C2CD5: variants seen among roughly 807,000 people sequenced by gnomAD.
The protein encoded by C2CD5 is C2 domain-containing protein 5.
In C2CD5, 109 loss-of-function variants were observed where a neutral mutation model predicts 130.3. The observed-to-expected ratio is 0.84, with a 90% CI of 0.72 to 0.98. C2CD5 has a LOEUF of 0.98. C2CD5 is among the 50% of genes least tolerant of loss of function. The pLI is 0.00. For missense variants in C2CD5, 996 were observed against 1,261.8 expected (o/e 0.79, Z 3.19); for synonymous variants, 454 against 429.2 (o/e 1.06, Z -0.71).
At position 22,513,299 on chromosome 12, in the gene C2CD5, G is replaced by T; in HGVS notation, c.1033C>A (p.Gln345Lys). 6.2e-7 allele frequency: 1 copy of T among 1,603,956 alleles called. No individual in the cohort carries two copies. Among genetic ancestry groups the T allele is most frequent in the Non-Finnish European group, 8.5e-7 (1 of 1,170,932 alleles). The change falls in exon 9 of 27, where the codon CAG (glutamine) becomes AAG (lysine). Residue 345 changes from glutamine (Q) to lysine (K), a missense_variant. By Grantham distance (53) the Gln-to-Lys change is moderately conservative. This residue lies in a region of C2CD5 where 156 missense variants were observed against 165.9 expected (regional missense o/e 0.94). Coordinates refer to ENST00000446597, the MANE Select transcript of C2CD5 (RefSeq NM_001286176.2). Reference protein sequence around the residue: ...LRQQTQSALEQREFPFFTLTA... With the variant: ...LRQQTQSALEKREFPFFTLTA... ...GAATATCAAGTGAATCTTACCCTCT[G>T]TTCCAACGCTGATTGAGTCTGTTGT...
At chr12:22,498,037 T>A (rs568345255) in intron 10 of C2CD5, among the ~76,000 whole-genome samples, 1 of 152,034 alleles carries the variant, frequency 6.6e-6, no homozygotes, top group South Asian at 2.1e-4. Context: ...CATCTTGAAC[T>A]CTTATTTATC....
Position 22,449,651 on chromosome 12 carries a change from TCTTC to T in C2CD5, c.*105_*108del. The stretch of plus-strand genomic sequence containing the variant: ...TCCAGGCAAATCAAATCTACTCAAT[TCTTC>T]CTTATTTATCTCAAGTTCAATTTTA... On this transcript the variant is annotated 3_prime_UTR_variant, in exon 27 of 27. Transcript: ENST00000446597. The T allele has an allele frequency of 1.0e-6, 1 of 991,466 alleles. No individual in the cohort carries two copies. The highest frequency in any genetic ancestry group is 1.5e-6 in the Non-Finnish European group (1 of 670,116). The allele number at this position is 991,466 out of a possible 1,614,324, so 61.4% of individuals were successfully genotyped here.
chr12:22,480,893 C>T (rs1944614316), intron 14 of C2CD5, among the ~76,000 whole-genome samples: 1 of 152,094 alleles, frequency 6.6e-6, no homozygotes, highest in South Asian at 2.1e-4. Flanking sequence ...CAGCCTCAAG[C>T]TCCCAGGCTC....
intron 7 of C2CD5, chr12:22,519,011 C>T (rs1950028390): frequency 1.0e-6 from 1 of 988,578 alleles, no homozygotes; most frequent in South Asian, 2.0e-5. Context: ...AAGGATGAAG[C>T]AAAGATTTAT....
At chr12:22,520,300 T>G (rs927475007) in intron 7 of C2CD5, among the ~76,000 whole-genome samples, 2 of 152,146 alleles carry the variant, frequency 1.3e-5, no homozygotes, top group African/African-American at 4.8e-5. Flanking sequence ...GAGCCCAACT[T>G]TACCTGATCT....
In C2CD5 at chr12:22,458,601, GAAAACAAAAGAAA is replaced by G; in HGVS notation, c.2585-29_2585-17del. On this transcript the variant is annotated splice_polypyrimidine_tract_variant and intron_variant, in intron 23 of 26. Transcript: ENST00000446597. The stretch of plus-strand genomic sequence containing the variant: ...ACTGACGTTGCTGAAAACACAGACA[GAAAACAAAAGAAA>G]AAAACAAAGAAAAAAATATGGATGA... 8.6e-7 allele frequency: 1 copy of G among 1,163,928 alleles called. No individual in the cohort carries two copies. 72.1% of individuals were successfully genotyped at this position (1,163,928 alleles called of 1,614,324 possible). A position where few individuals can be genotyped will look rare whatever the true frequency, so the allele number is the denominator to read the frequency against.
chr12:22,461,466 A>G (rs978228279), intron 22 of C2CD5, among the ~76,000 whole-genome samples: 1 of 152,230 alleles, frequency 6.6e-6, no homozygotes, highest in African/African-American at 2.4e-5. Context: ...ATGTACACAG[A>G]AAGAGCTTAC....
At chr12:22,529,173 T>C (rs1950990878) in intron 3 of C2CD5, among the ~76,000 whole-genome samples, 1 of 152,190 alleles carries the variant, frequency 6.6e-6, no homozygotes, top group Admixed American at 6.5e-5. Flanking sequence ...AATCTATCTT[T>C]GTGCATGCTT....
In C2CD5 at chr12:22,509,022, G is replaced by A. The variant is rs576256358; in HGVS notation, c.1039-2203C>T. ...CTCCCGAGTAGCTGGGACTACAGGCGCCCGCCACCGCGCCCGGCTAATTTT... is the reference window on the plus strand; with the variant it reads ...CTCCCGAGTAGCTGGGACTACAGGCACCCGCCACCGCGCCCGGCTAATTTT... On this transcript the variant is annotated intron_variant, in intron 9 of 26. Coordinates refer to ENST00000446597, the MANE Select transcript of C2CD5 (RefSeq NM_001286176.2). Among the ~76,000 whole-genome samples the A allele has an allele frequency of 9.2e-5, 14 of 151,666 alleles. No individual in the cohort carries two copies. In the East Asian group the frequency reaches 9.7e-4, roughly 11 times the overall value.
At chr12:22,504,547 C>A (rs1948240938) in intron 10 of C2CD5, among the ~76,000 whole-genome samples, 1 of 152,188 alleles carries the variant, frequency 6.6e-6, no homozygotes, top group African/African-American at 2.4e-5. Context: ...AGATGATCCA[C>A]CCGCCTCAAA....
intron 26 of C2CD5, 148 bp downstream of exon 26, chr12:22,453,748 G>A (rs973085786): frequency 1.7e-5 from 11 of 663,244 alleles, no homozygotes; most frequent in Non-Finnish European, 2.9e-5. Flanking sequence ...GTATGACCAT[G>A]GTTATGAATA....
chr12:22,531,243 T>C (rs896463294), intron 3 of C2CD5, among the ~76,000 whole-genome samples: 2 of 152,166 alleles, frequency 1.3e-5, no homozygotes, highest in South Asian at 4.1e-4. Flanking sequence ...TCAAAATAGA[T>C]AGTGGCATTT....
At chr12:22,520,449 A>T (rs1950172082) in intron 7 of C2CD5, among the ~76,000 whole-genome samples, 1 of 152,152 alleles carries the variant, frequency 6.6e-6, no homozygotes, top group African/African-American at 2.4e-5. Context: ...TTATGAAAAT[A>T]TTACTGATTT....
At chr12:22,458,034 C>T (rs1324567255) in intron 24 of C2CD5, among the ~76,000 whole-genome samples, 1 of 152,052 alleles carries the variant, frequency 6.6e-6, no homozygotes. Flanking sequence ...CATAAGATAA[C>T]ATATAAGTAA....
intron 23 of C2CD5, chr12:22,458,878 T>C (rs1940528599): frequency 4.7e-6 from 1 of 212,648 alleles, no homozygotes; most frequent in African/African-American, 2.3e-5. Flanking sequence ...AAGGACCACA[T>C]ACTGTGCTTT....
chr12:22,500,715 C>T (rs192305111), intron 10 of C2CD5, among the ~76,000 whole-genome samples: 13 of 151,962 alleles, frequency 8.6e-5, no homozygotes, highest in Middle Eastern at 3.4e-3. Context: ...ATATTTTATA[C>T]ATTACTGTAT....
chr12:22,467,965 G>C (rs567393536), intron 22 of C2CD5, among the ~76,000 whole-genome samples: 2 of 151,878 alleles, frequency 1.3e-5, no homozygotes, highest in Non-Finnish European at 2.9e-5. Flanking sequence ...AATTCAGTAG[G>C]TATTAACAAC....
intron 10 of C2CD5, among the ~76,000 whole-genome samples, chr12:22,493,550 G>A (rs1946632486): frequency 6.6e-6 from 1 of 151,888 alleles, no homozygotes; most frequent in African/African-American, 2.4e-5. Context: ...ATCTGTATTT[G>A]CTTTATTACT....
In C2CD5 at chr12:22,523,426, T is replaced by C; in HGVS notation, c.800A>G (p.Glu267Gly). 6.2e-7 allele frequency: 1 copy of C among 1,609,648 alleles called. No homozygotes were observed. Among genetic ancestry groups the C allele is most frequent in the Non-Finnish European group, 8.5e-7 (1 of 1,176,012 alleles). The change falls in exon 7 of 27, where the codon GAG becomes GGG. Residue 267 changes from glutamate to glycine, a missense_variant and splice_region_variant. Around this residue, in one of 9 missense-constraint regions of C2CD5, gnomAD observed 156 missense variants for 165.9 expected, o/e 0.94. Coordinates refer to ENST00000446597, the MANE Select transcript of C2CD5 (RefSeq NM_001286176.2). ...ACNSPSKEMK[E>G]IPFNEDPNPN... ...AACAATTTCATTGATTCATACTTAC[T>C]CCTTCATTTCTTTGGATGGGGAATT...
Sources: allele counts gnomAD v4.1 joint callset (sites outside exome capture counted in the v4.1 genomes callset), GRCh38; gene constraint gnomAD v4.1.1; regional missense constraint gnomAD v4.1.1; transcripts MANE v1.5; gene names NCBI Gene and HGNC (gene_info 2026-07-23, HGNC 2026-07-21).